GRIK2: variants seen among roughly 807,000 people sequenced by gnomAD.
GRIK2 encodes the protein glutamate ionotropic receptor kainate type subunit 2.
GRIK2 carries 32 observed loss-of-function variants against 100.3 expected under a neutral mutation model. That is an observed-to-expected ratio of 0.32 (90% CI 0.24 to 0.43). The LOEUF (loss-of-function observed/expected upper bound fraction) is 0.43, where lower values mean the gene tolerates loss of function less well. GRIK2 is among the 20% of genes least tolerant of loss of function. The pLI, the probability that GRIK2 is intolerant of heterozygous loss-of-function variation, is 1.00. For missense variants in GRIK2, 843 were observed against 1,114.9 expected, an observed-to-expected ratio of 0.76 and a Z score of 3.47; for synonymous variants, 417 against 389.4, an observed-to-expected ratio of 1.07 and a Z score of -0.83.
At chr6:101,973,250 GA>G (rs1793168546) in intron 14 of GRIK2, among the ~76,000 whole-genome samples, 1 of 151,802 alleles carries the variant, frequency 6.6e-6, no homozygotes, top group African/African-American at 2.4e-5. Context: ...AAAAACTCTA[GA>G]GTTGGATCTA....
At chr6:101,788,886 G>T (rs62419280) in intron 7 of GRIK2, among the ~76,000 whole-genome samples, 7,265 of 151,964 alleles carry the variant, frequency 0.048, 245 homozygotes, top group Middle Eastern at 0.071. Flanking sequence ...TTTCCTGACT[G>T]TTTAATGATT....
At chr6:101,674,815 C>G (rs370220671) in intron 4 of GRIK2, among the ~76,000 whole-genome samples, 3 of 152,116 alleles carry the variant, frequency 2.0e-5, no homozygotes, top group South Asian at 4.1e-4. Context: ...GTATAACTTA[C>G]AGTGAAGCAA....
intron 2 of GRIK2, among the ~76,000 whole-genome samples, chr6:101,428,211 C>T (rs1769160132): frequency 6.6e-6 from 1 of 152,136 alleles, no homozygotes; most frequent in South Asian, 2.1e-4. Flanking sequence ...TCTGGAGTTC[C>T]CTTGAGCTTG....
At chr6:101,974,272 G>A (rs1275076174) in intron 14 of GRIK2, among the ~76,000 whole-genome samples, 1 of 151,848 alleles carries the variant, frequency 6.6e-6, no homozygotes, top group Non-Finnish European at 1.5e-5. Context: ...TAATTTTTGA[G>A]TACGTACTAT....
chr6:101,890,939 T>TTGATTAG (rs1787014171), intron 12 of GRIK2, among the ~76,000 whole-genome samples: 1 of 150,988 alleles, frequency 6.6e-6, no homozygotes, highest in African/African-American at 2.4e-5. Flanking sequence ...ATTCTACACA[T>TTGATTAG]AATTTTTCAT....
chr6:102,068,687 A>G lies in GRIK2; in HGVS notation c.*176A>G. The stretch of plus-strand genomic sequence containing the variant: ...CAGTTGCAATGATCAGACTTGATTT[A>G]CAAGCATCATGGATCAACCAAGTTA... On this transcript the variant is annotated 3_prime_UTR_variant, in exon 17 of 17. Transcript: ENST00000369134. The G allele has an allele frequency of 1.7e-6, 1 of 576,000 alleles. No individual in the cohort carries two copies. Among genetic ancestry groups the G allele is most frequent in the Non-Finnish European group, 3.1e-6 (1 of 327,336 alleles). 35.7% of individuals were successfully genotyped at this position (576,000 alleles called of 1,614,324 possible). A position where few individuals can be genotyped will look rare whatever the true frequency, so the allele number is the denominator to read the frequency against.
chr6:101,924,726 G>A lies in GRIK2; in HGVS notation c.1867+7G>A. On this transcript the variant is annotated splice_region_variant and intron_variant, in intron 13 of 16. Coordinates refer to ENST00000369134, the MANE Select transcript of GRIK2 (RefSeq NM_021956.5). ...GGAGCTCTCATGCAGCAAGGTATACGATTCAGCCTGCTATTTCCTTTGGGC... is the reference window on the plus strand; with the variant it reads ...GGAGCTCTCATGCAGCAAGGTATACAATTCAGCCTGCTATTTCCTTTGGGC... 1 of 1,492,618 alleles carries A rather than the reference G, an allele frequency of 6.7e-7. No homozygotes were observed. 92.5% of individuals were successfully genotyped at this position (1,492,618 alleles called of 1,614,324 possible).
intron 6 of GRIK2, among the ~76,000 whole-genome samples, chr6:101,683,900 A>G (rs566490746): frequency 1.3e-5 from 2 of 152,296 alleles, no homozygotes; most frequent in East Asian, 3.9e-4. Context: ...TCTAGCATCT[A>G]TCTTCTCCAT....
intron 2 of GRIK2, among the ~76,000 whole-genome samples, chr6:101,575,794 A>G (rs1777761812): frequency 6.6e-6 from 1 of 152,088 alleles, no homozygotes. Context: ...ATTGTCTTAA[A>G]TTAACATCTG....
intron 4 of GRIK2, among the ~76,000 whole-genome samples, chr6:101,652,132 G>C (rs1234731550): frequency 6.6e-6 from 1 of 152,128 alleles, no homozygotes; most frequent in Non-Finnish European, 1.5e-5. Context: ...CTTGATTAGA[G>C]TGAGCTTAAG....
chr6:102,012,263 T>C (rs1483539848), intron 14 of GRIK2, among the ~76,000 whole-genome samples: 1 of 152,202 alleles, frequency 6.6e-6, no homozygotes, highest in African/African-American at 2.4e-5. Flanking sequence ...CAGTAAGTGT[T>C]GACACTGGGT....
intron 2 of GRIK2, among the ~76,000 whole-genome samples, chr6:101,488,639 T>C (rs1369735045): frequency 6.8e-6 from 1 of 146,828 alleles, no homozygotes; most frequent in Non-Finnish European, 1.5e-5. Flanking sequence ...CTTAGGCCAC[T>C]TTTCCTCTCT....
At chr6:101,707,542 ATGTATATATG>A (rs200277362) in intron 7 of GRIK2, among the ~76,000 whole-genome samples, 2,525 of 94,004 alleles carry the variant, frequency 0.027, 78 homozygotes, top group African/African-American at 0.12. Context: ...GTGTGTATAT[ATGTATATATG>A]TGTATATATA....
rs193125768 is a variant in GRIK2, at chr6:102,011,745, C to T, written c.2086-23596C>T. 3.8e-3 allele frequency among the ~76,000 whole-genome samples: 570 copies of T among 151,610 alleles called. 5 individuals are homozygous for T. Among genetic ancestry groups the T allele is most frequent in the African/African-American group, 0.014 (560 of 41,372 alleles). On this transcript the variant is annotated intron_variant, in intron 14 of 16. Coordinates refer to ENST00000369134, the MANE Select transcript of GRIK2 (RefSeq NM_021956.5). ...GACTGCAGGCACCTGCCACCACGCC[C>T]GGCTAATTTTTTTTGTATTTTTACT...
chr6:101,544,875 T>C (rs1776163265), intron 2 of GRIK2, among the ~76,000 whole-genome samples: 1 of 152,212 alleles, frequency 6.6e-6, no homozygotes, highest in Non-Finnish European at 1.5e-5. Flanking sequence ...ATCTGCCAAT[T>C]TCTTCTAAAC....
chr6:101,798,342 C>G (rs917339200), intron 7 of GRIK2, among the ~76,000 whole-genome samples: 1 of 152,036 alleles, frequency 6.6e-6, no homozygotes, highest in African/African-American at 2.4e-5. Flanking sequence ...GTCAAATCCT[C>G]AGGCTCAGGA....
At chr6:101,410,518 A>T (rs1775842190) in intron 2 of GRIK2, among the ~76,000 whole-genome samples, 1 of 147,006 alleles carries the variant, frequency 6.8e-6, no homozygotes, top group Non-Finnish European at 1.5e-5. Context: ...AAACTGACTT[A>T]AAAAAAAAGA....
Position 101,820,147 on chromosome 6 carries a change from T to C in GRIK2, c.1317+1664T>C, listed in dbSNP as rs186087581. On this transcript the variant is annotated intron_variant, in intron 10 of 16. Coordinates refer to ENST00000369134, the MANE Select transcript of GRIK2 (RefSeq NM_021956.5). ...TATGCTTATCTCAATTTCTGAGATATAGTATTCATCAGTAATATATGACTT... is the reference window on the plus strand; with the variant it reads ...TATGCTTATCTCAATTTCTGAGATACAGTATTCATCAGTAATATATGACTT... Among the ~76,000 whole-genome samples, 5 of 152,326 alleles carry C rather than the reference T, an allele frequency of 3.3e-5. No homozygotes were observed. In the East Asian group the frequency reaches 5.8e-4, roughly 18 times the overall value.
chr6:101,409,338 A>G (rs1775759456), intron 2 of GRIK2, among the ~76,000 whole-genome samples: 1 of 152,014 alleles, frequency 6.6e-6, no homozygotes, highest in Non-Finnish European at 1.5e-5. Flanking sequence ...AGGCTATACC[A>G]TTTAGGTTTG....
Sources: gnomAD v4.1 joint callset for allele counts (sites outside exome capture counted in the v4.1 genomes callset) on GRCh38, gnomAD v4.1.1 for gene constraint, MANE v1.5 for transcripts, NCBI Gene and HGNC (gene_info 2026-07-23, HGNC 2026-07-21) for gene names.